The following PRKCE variants were observed in gnomAD, a reference collection of about 807,000 sequenced individuals.
The protein encoded by PRKCE is protein kinase C epsilon type.
PRKCE carries 16 observed loss-of-function variants against 85.4 expected under a neutral mutation model. That is an observed-to-expected ratio of 0.19 (90% CI 0.13 to 0.28). The LOEUF is 0.28. Among genes scored for constraint, PRKCE ranks in the 10% least tolerant of loss-of-function variants. PRKCE has a pLI of 1.00. For synonymous variants in PRKCE, 388 were observed against 371.5 expected, an observed-to-expected ratio of 1.04 and a Z score of -0.51; for missense variants, 573 against 975.2, an observed-to-expected ratio of 0.59 and a Z score of 5.49.
At chr2:45,963,457 C>T (rs1341640416) in intron 2 of PRKCE, among the ~76,000 whole-genome samples, 4 of 152,028 alleles carry the variant, frequency 2.6e-5, no homozygotes, top group Non-Finnish European at 4.4e-5. Context: ...TACAGGTGTG[C>T]GCCACCACGC....
intron 2 of PRKCE, among the ~76,000 whole-genome samples, chr2:45,853,253 G>A (rs1286896501): frequency 6.6e-6 from 1 of 152,042 alleles, no homozygotes; most frequent in Non-Finnish European, 1.5e-5. Context: ...TTTCATTCTG[G>A]CTTTCATAGT....
chr2:46,107,105 A>G (rs556686612), intron 11 of PRKCE, among the ~76,000 whole-genome samples: 4 of 152,206 alleles, frequency 2.6e-5, no homozygotes, highest in Admixed American at 2.0e-4. Context: ...TTGTCATACA[A>G]CATAGTTACA....
At chr2:45,973,638 G>C (rs1274669701) in intron 2 of PRKCE, among the ~76,000 whole-genome samples, 1 of 152,178 alleles carries the variant, frequency 6.6e-6, no homozygotes, top group African/African-American at 2.4e-5. Context: ...ACTTTAAACA[G>C]CTTCCCTCCA....
intron 1 of PRKCE, among the ~76,000 whole-genome samples, chr2:45,701,735 C>T (rs746318996): frequency 6.6e-5 from 10 of 152,176 alleles, no homozygotes; most frequent in Non-Finnish European, 1.2e-4. Context: ...TCCTGGTGCT[C>T]CAGGCTGCTT....
chr2:46,081,286 A>C (rs1433328586), intron 10 of PRKCE, among the ~76,000 whole-genome samples: 1 of 152,172 alleles, frequency 6.6e-6, no homozygotes, highest in Non-Finnish European at 1.5e-5. Flanking sequence ...GCAGATATAA[A>C]TATTTAGATC....
chr2:45,976,178 T>A (rs545127474), intron 2 of PRKCE, among the ~76,000 whole-genome samples: 22 of 152,202 alleles, frequency 1.4e-4, no homozygotes, highest in African/African-American at 5.3e-4. Context: ...TGGAGCAGAA[T>A]TTGGATTGGA....
chr2:45,716,752 G>A (rs866888732), intron 1 of PRKCE, among the ~76,000 whole-genome samples: 6 of 148,368 alleles, frequency 4.0e-5, no homozygotes, highest in African/African-American at 7.6e-5. Context: ...GGAACTTCCC[G>A]AGACTGCAGA....
At chr2:46,097,519 C>CAAAAAAAAAAAA (rs66634467) in intron 11 of PRKCE, among the ~76,000 whole-genome samples, 37 of 94,100 alleles carry the variant, frequency 3.9e-4, no homozygotes, top group Non-Finnish European at 6.6e-4. Context: ...GACTCCGTCT[C>CAAAAAAAAAAAA]AAAAAAAAAA....
chr2:45,874,906 A>G (rs1694358978), intron 2 of PRKCE, among the ~76,000 whole-genome samples: 1 of 152,154 alleles, frequency 6.6e-6, no homozygotes, highest in African/African-American at 2.4e-5. Context: ...ATTTGGGGGT[A>G]TAGCTTACGT....
chr2:45,810,260 T>G (rs374791511), intron 1 of PRKCE, among the ~76,000 whole-genome samples: 2 of 151,830 alleles, frequency 1.3e-5, no homozygotes, highest in African/African-American at 4.8e-5. Flanking sequence ...AGGCTGGTCT[T>G]GAACTCCTGA....
intron 1 of PRKCE, among the ~76,000 whole-genome samples, chr2:45,709,059 T>G (rs1242760540): frequency 6.6e-6 from 1 of 152,246 alleles, no homozygotes; most frequent in Non-Finnish European, 1.5e-5. Flanking sequence ...GATCATGGAT[T>G]CAGTCTGGAT....
intron 11 of PRKCE, among the ~76,000 whole-genome samples, chr2:46,142,800 C>T (rs557158571): frequency 9.2e-5 from 14 of 152,356 alleles, no homozygotes; most frequent in Middle Eastern, 3.4e-3. Context: ...GAAGAAAAGG[C>T]GGAGCCTTGC....
chr2:46,019,630 A>G (rs1441629610), intron 10 of PRKCE, among the ~76,000 whole-genome samples: 1 of 152,174 alleles, frequency 6.6e-6, no homozygotes, highest in African/African-American at 2.4e-5. Flanking sequence ...TATACTTAGG[A>G]ACTTAACTCT....
At chr2:45,983,492 G>A (rs944344611) in intron 5 of PRKCE, among the ~76,000 whole-genome samples, 1 of 152,094 alleles carries the variant, frequency 6.6e-6, no homozygotes, top group African/African-American at 2.4e-5. Context: ...GCTGTGGAGG[G>A]GCAGAGATGA....
chr2:45,759,058 T>C (rs1208380596), intron 1 of PRKCE, among the ~76,000 whole-genome samples: 2 of 152,140 alleles, frequency 1.3e-5, no homozygotes, highest in Non-Finnish European at 2.9e-5. Context: ...AAAGTGAATT[T>C]AGTTATTTAT....
At chr2:46,081,417 A>T (rs1314311477) in intron 10 of PRKCE, among the ~76,000 whole-genome samples, 5 of 152,282 alleles carry the variant, frequency 3.3e-5, no homozygotes, top group African/African-American at 1.2e-4. Context: ...AAAAACAGCA[A>T]GCCAGAGTTA....
chr2:45,861,405 C>T (rs935653), intron 2 of PRKCE, among the ~76,000 whole-genome samples: 22,974 of 152,060 alleles, frequency 0.15, 1,878 homozygotes, highest in South Asian at 0.3. Context: ...TATGTAATTA[C>T]CTGCTCTGCA....
chr2:45,921,412 G>A (rs1698237556), intron 2 of PRKCE, among the ~76,000 whole-genome samples: 1 of 152,242 alleles, frequency 6.6e-6, no homozygotes, highest in South Asian at 2.1e-4. Flanking sequence ...AATAACAATA[G>A]TTTACCTTTC....
chr2:45,876,291 A>G (rs1254926846), intron 2 of PRKCE, among the ~76,000 whole-genome samples: 1 of 152,214 alleles, frequency 6.6e-6, no homozygotes, highest in Non-Finnish European at 1.5e-5. Context: ...TTCTTTTATC[A>G]GAACACAAAC....
Sources: gnomAD v4.1 joint callset for allele counts (sites outside exome capture counted in the v4.1 genomes callset) on GRCh38, gnomAD v4.1.1 for gene constraint, MANE v1.5 for transcripts, NCBI Gene and HGNC (gene_info 2026-07-23, HGNC 2026-07-21) for gene names.